ZNF141: variants seen among roughly 807,000 people sequenced by gnomAD.
The protein encoded by ZNF141 is zinc finger protein 141.
Under a neutral mutation model 11.3 loss-of-function variants are expected in ZNF141, and 7 were observed. The observed-to-expected ratio is 0.62, with a 90% CI of 0.35 to 1.16. The LOEUF (loss-of-function observed/expected upper bound fraction) is 1.16, where lower values mean the gene tolerates loss of function less well. Among genes scored for constraint, ZNF141 ranks in the 50% most tolerant of loss-of-function variants. The pLI is 0.02. For missense variants in ZNF141, 535 were observed against 554.0 expected (o/e 0.97, Z 0.34); for synonymous variants, 183 against 190.7 (o/e 0.96, Z 0.33).
chr4:369,764 A>ATATATTTTTT, intron 3 of ZNF141, among the ~76,000 whole-genome samples: 1 of 48,722 alleles, frequency 2.1e-5, no homozygotes, highest in African/African-American at 1.7e-4. Flanking sequence ...ATATATATAT[A>ATATATTTTTT]TTTTTTTTTT....
chr4:359,342 C>A (rs1722002879), intron 3 of ZNF141, among the ~76,000 whole-genome samples: 1 of 152,086 alleles, frequency 6.6e-6, no homozygotes, highest in African/African-American at 2.4e-5. Flanking sequence ...GATGCTGATA[C>A]AATAAATATG....
rs1711661993 is a variant in ZNF141 at position 364,872 on chromosome 4, T to C, written c.227-7792T>C. On this transcript the variant is annotated intron_variant, in intron 3 of 3. Coordinates refer to ENST00000240499, the MANE Select transcript of ZNF141 (RefSeq NM_003441.4). The stretch of plus-strand genomic sequence containing the variant: ...ACCACGATTCTCTTCAGAGCCATCA[T>C]ACAGGACGATTAAATCTGCAGAAGT... Among the ~76,000 whole-genome samples the C allele has an allele frequency of 1.6e-5, 2 of 122,046 alleles. 1 individual carries two copies. The highest frequency in any genetic ancestry group is 7.0e-5 in the African/African-American group (2 of 28,420). The allele number at this position is 122,046 out of a possible 152,430, so 80.1% of individuals were successfully genotyped here.
chr4:362,409 T>G (rs1553852337), intron 3 of ZNF141, among the ~76,000 whole-genome samples: 1 of 152,236 alleles, frequency 6.6e-6, no homozygotes, highest in African/African-American at 2.4e-5. Flanking sequence ...AATTTTGGCT[T>G]TTCTTGCCAT....
chr4:361,309 A>G (rs545795079), intron 3 of ZNF141, among the ~76,000 whole-genome samples: 2 of 118,582 alleles, frequency 1.7e-5, no homozygotes, highest in African/African-American at 7.2e-5. Context: ...ATAATTATAT[A>G]ATGTCTCTTT....
chr4:351,027 G>A (rs782617713), intron 3 of ZNF141, among the ~76,000 whole-genome samples: 5 of 151,776 alleles, frequency 3.3e-5, no homozygotes, highest in Non-Finnish European at 7.4e-5. Flanking sequence ...GGGATTACAG[G>A]CGTGAGCCAC....
rs1171944676 is a variant in ZNF141, at chr4:375,285, ACTT to A, written c.*1426_*1428del. ...ATATAAAGAGGGTTGTAGTACCTGTACTTCTCTCATGGATTTTGTTGTACACAT... is the reference window on the plus strand; with the variant it reads ...ATATAAAGAGGGTTGTAGTACCTGTACTCTCATGGATTTTGTTGTACACAT... On this transcript the variant is annotated 3_prime_UTR_variant, in exon 4 of 4. Transcript: ENST00000240499. 1 of 152,106 alleles carries A rather than the reference ACTT, an allele frequency of 6.6e-6. No individual in the cohort carries two copies. The highest frequency in any genetic ancestry group is 1.5e-5 in the Non-Finnish European group (1 of 67,964). The allele number at this position is 152,106 out of a possible 1,614,324, so 9.4% of individuals were successfully genotyped here.
chr4:377,018 TGTA>T lies in ZNF141; in HGVS notation c.*3159_*3161del, dbSNP rs1487833524. On this transcript the variant is annotated 3_prime_UTR_variant, in exon 4 of 4. Coordinates refer to ENST00000240499, the MANE Select transcript of ZNF141 (RefSeq NM_003441.4). Reference sequence around the variant, plus strand: ...AATTATAAGAATGATTTTTATAAAATGTAGTGAATGTAAAATTTTTAGATGTAA... The same window carrying T: ...AATTATAAGAATGATTTTTATAAAATGTGAATGTAAAATTTTTAGATGTAA... Among the ~76,000 whole-genome samples, 3 of 152,300 alleles carry T rather than the reference TGTA, an allele frequency of 2.0e-5. No homozygotes were observed. Among genetic ancestry groups the T allele is most frequent in the South Asian group, 4.1e-4 (2 of 4,832 alleles).
At chr4:363,733 G>C (rs1236074496) in intron 3 of ZNF141, among the ~76,000 whole-genome samples, 1 of 150,626 alleles carries the variant, frequency 6.6e-6, no homozygotes, top group Non-Finnish European at 1.5e-5. Context: ...ACTCCAGCCT[G>C]CACGACACAG....
At chr4:370,168 A>AT (rs567693758) in intron 3 of ZNF141, among the ~76,000 whole-genome samples, 183 of 151,948 alleles carry the variant, frequency 1.2e-3, no homozygotes, top group Non-Finnish European at 1.8e-3. Flanking sequence ...CACTAATCAT[A>AT]TTTTTTTGCT....
chr4:351,568 T>C (rs1553850451), intron 3 of ZNF141, among the ~76,000 whole-genome samples: 1 of 152,200 alleles, frequency 6.6e-6, no homozygotes, highest in African/African-American at 2.4e-5. Flanking sequence ...GTATAAAATG[T>C]AAGTGCCTTA....
rs34905613 is a variant in ZNF141 at position 381,946 on chromosome 4, C to CTTTTTTTTTTTTTTTTTTTTTTTTTT, written c.*8103_*8104insTTTTTTTTTTTTTTTTTTTTTTTTTT. Among the ~76,000 whole-genome samples the CTTTTTTTTTTTTTTTTTTTTTTTTTT allele has an allele frequency of 3.9e-4, 41 of 105,924 alleles. 2 individuals carry two copies. Among genetic ancestry groups the CTTTTTTTTTTTTTTTTTTTTTTTTTT allele is most frequent in the East Asian group, 1.3e-3 (5 of 3,792 alleles). The allele number at this position is 105,924 out of a possible 152,430, so 69.5% of individuals were successfully genotyped here. ...CTAGGGCCACCACCATCTCTGGGAACTTTTTTTTTTTTTTTTTTTGAGACG... is the reference window on the plus strand; with the variant it reads ...CTAGGGCCACCACCATCTCTGGGAACTTTTTTTTTTTTTTTTTTTTTTTTTTTTTTTTTTTTTTTTTTTTTGAGACG... On this transcript the variant is annotated 3_prime_UTR_variant, in exon 4 of 4. Coordinates refer to ENST00000240499, the MANE Select transcript of ZNF141 (RefSeq NM_003441.4).
intron 3 of ZNF141, among the ~76,000 whole-genome samples, chr4:367,124 A>G (rs531863598): frequency 3.9e-5 from 6 of 152,350 alleles, no homozygotes; most frequent in East Asian, 3.9e-4. Flanking sequence ...AAAGAGCAGA[A>G]ATCTTCTTTT....
chr4:366,365 A>G (rs574801805), intron 3 of ZNF141, among the ~76,000 whole-genome samples: 87 of 152,246 alleles, frequency 5.7e-4, no homozygotes, highest in East Asian at 2.5e-3. Flanking sequence ...CTGGAGTGCA[A>G]TGGCACAATA....
rs1014647705 is a variant in ZNF141 at position 380,441 on chromosome 4, C to A, written c.*6579C>A. ...GCCCAAGGCAGGTGGATCATGAGGT[C>A]AGGAGTTTGAGACCAGTCTGGCCAA... On this transcript the variant is annotated 3_prime_UTR_variant, in exon 4 of 4. Transcript: ENST00000240499. Among the ~76,000 whole-genome samples the A allele has an allele frequency of 6.6e-6, 1 of 152,132 alleles. No individual in the cohort carries two copies. The highest frequency in any genetic ancestry group is 1.5e-5 in the Non-Finnish European group (1 of 68,034).
chr4:358,814 T>C (rs2108708117), intron 3 of ZNF141, among the ~76,000 whole-genome samples: 1 of 152,270 alleles, frequency 6.6e-6, no homozygotes, highest in East Asian at 1.9e-4. Flanking sequence ...GACCTTGTGA[T>C]CCATCCGCCT....
intron 2 of ZNF141, 133 bp downstream of exon 2, chr4:344,041 C>G (rs1560180698): frequency 7.0e-6 from 9 of 1,288,928 alleles, no homozygotes; most frequent in East Asian, 2.5e-5. Flanking sequence ...AATTTGAGTC[C>G]TTCACTCTAG....
intron 3 of ZNF141, among the ~76,000 whole-genome samples, chr4:345,589 G>A (rs561546103): frequency 1.4e-3 from 213 of 152,032 alleles, no homozygotes; most frequent in African/African-American, 4.9e-3. Context: ...TTAGCTGGGC[G>A]TGGTGGTGCA....
intron 3 of ZNF141, among the ~76,000 whole-genome samples, chr4:350,729 A>G (rs1197817111): frequency 1.3e-5 from 2 of 151,804 alleles, no homozygotes; most frequent in African/African-American, 4.8e-5. Context: ...AGTTCTCCCG[A>G]GATCTTATTT....
At position 377,364 on chromosome 4, in the gene ZNF141, A is replaced by C. The variant is rs1712421146; in HGVS notation, c.*3502A>C. On this transcript the variant is annotated 3_prime_UTR_variant, in exon 4 of 4. Coordinates refer to ENST00000240499, the MANE Select transcript of ZNF141 (RefSeq NM_003441.4). ...ATTGAAAATAATCTGTGGCGAACAA[A>C]TGGCATTAATTGTGCATGTGGAGAG... 6.6e-6 allele frequency among the ~76,000 whole-genome samples: 1 copy of C among 152,240 alleles called. No individual in the cohort carries two copies. The highest frequency in any genetic ancestry group is 2.1e-4 in the South Asian group (1 of 4,836).
Sources: allele counts gnomAD v4.1 joint callset (sites outside exome capture counted in the v4.1 genomes callset), GRCh38; gene constraint gnomAD v4.1.1; transcripts MANE v1.5; gene names NCBI Gene and HGNC (gene_info 2026-07-23, HGNC 2026-07-21).